ELMO1: variants seen among roughly 807,000 people sequenced by gnomAD.
The protein encoded by ELMO1 is engulfment and cell motility 1, also known as engulfment and cell motility protein 1.
ELMO1 carries 26 observed loss-of-function variants against 98.9 expected under a neutral mutation model. That is an observed-to-expected ratio of 0.26 (90% CI 0.19 to 0.36). The LOEUF is 0.36. ELMO1 is among the 10% of genes least tolerant of loss of function. The pLI, the probability that ELMO1 is intolerant of heterozygous loss-of-function variation, is 1.00. For missense variants in ELMO1, 627 were observed against 935.2 expected (o/e 0.67, Z 4.30); for synonymous variants, 346 against 346.0 (o/e 1.00, Z 0.00).
chr7:37,367,731 T>C (rs1440175999), intron 1 of ELMO1, among the ~76,000 whole-genome samples: 3 of 152,070 alleles, frequency 2.0e-5, no homozygotes, highest in Non-Finnish European at 4.4e-5. Context: ...TCTAAGTCCC[T>C]ACCAGAAACA....
intron 1 of ELMO1, among the ~76,000 whole-genome samples, chr7:37,381,064 G>C (rs149010926): frequency 2.6e-5 from 4 of 152,306 alleles, no homozygotes; most frequent in Admixed American, 2.0e-4. Context: ...AAACATGCCC[G>C]TCAGGCAACT....
At chr7:37,006,286 C>T (rs1793117879) in intron 16 of ELMO1, among the ~76,000 whole-genome samples, 1 of 152,246 alleles carries the variant, frequency 6.6e-6, no homozygotes, top group African/African-American at 2.4e-5. Flanking sequence ...ATTACTGACA[C>T]TTTAGGTTTT....
intron 15 of ELMO1, among the ~76,000 whole-genome samples, chr7:37,019,725 TAGTA>T (rs1584523884): frequency 6.6e-6 from 1 of 152,306 alleles, no homozygotes. Context: ...GGGACAAAAA[TAGTA>T]AGACGTTTAA....
At chr7:36,904,537 GT>G in intron 16 of ELMO1, among the ~76,000 whole-genome samples, 1 of 152,282 alleles carries the variant, frequency 6.6e-6, no homozygotes, top group African/African-American at 2.4e-5. Context: ...ACTGGGTGTT[GT>G]CCCACTCCTA....
intron 4 of ELMO1, among the ~76,000 whole-genome samples, chr7:37,288,312 C>A (rs1797502902): frequency 6.6e-6 from 1 of 152,024 alleles, no homozygotes; most frequent in South Asian, 2.1e-4. Context: ...GCAATCTCTG[C>A]CTCCTGGGTT....
At chr7:37,401,315 C>G (rs1043172159) in intron 1 of ELMO1, among the ~76,000 whole-genome samples, 49 of 152,172 alleles carry the variant, frequency 3.2e-4, no homozygotes, top group African/African-American at 1.2e-3. Flanking sequence ...CAAAACATGG[C>G]ACCTTGGCAT....
At position 37,375,746 on chromosome 7, in the gene ELMO1, G is replaced by T. The variant is rs185947166; in HGVS notation, c.-73-32983C>A. The T allele has an allele frequency of 6.0e-6, 7 of 1,172,222 alleles. No individual in the cohort carries two copies. The African/African-American group carries it at 9.1e-5, about 15-fold the overall frequency. 72.6% of individuals were successfully genotyped at this position (1,172,222 alleles called of 1,614,324 possible). The stretch of plus-strand genomic sequence containing the variant: ...TTCTACTGGTACCTTACCAATGAGG[G>T]TATCCAGTATCTCAGTGATTACCTT... On this transcript the variant is annotated intron_variant, in intron 1 of 21. Coordinates refer to ENST00000310758, the MANE Select transcript of ELMO1 (RefSeq NM_014800.11).
intron 16 of ELMO1, among the ~76,000 whole-genome samples, chr7:36,915,805 A>C (rs1328253065): frequency 2.0e-5 from 3 of 152,210 alleles, no homozygotes; most frequent in Non-Finnish European, 4.4e-5. Context: ...CTTGACCCCC[A>C]GGCAGGAGGT....
intron 7 of ELMO1, among the ~76,000 whole-genome samples, chr7:37,243,465 C>T (rs1370716636): frequency 6.6e-6 from 1 of 152,176 alleles, no homozygotes; most frequent in Non-Finnish European, 1.5e-5. Context: ...AGTGCTTCTA[C>T]TGTATTAAAT....
At chr7:37,343,837 T>C (rs1376031559) in intron 1 of ELMO1, among the ~76,000 whole-genome samples, 1 of 152,180 alleles carries the variant, frequency 6.6e-6, no homozygotes, top group African/African-American at 2.4e-5. Context: ...TGTGTGTATG[T>C]GTGTTTGTGT....
chr7:37,267,486 G>T (rs1000149454), intron 5 of ELMO1, among the ~76,000 whole-genome samples: 1 of 152,230 alleles, frequency 6.6e-6, no homozygotes, highest in African/African-American at 2.4e-5. Context: ...GTGCTTTTGT[G>T]AGTCTATTTA....
intron 6 of ELMO1, among the ~76,000 whole-genome samples, chr7:37,249,281 C>A (rs1795185830): frequency 6.6e-6 from 1 of 151,974 alleles, no homozygotes; most frequent in African/African-American, 2.4e-5. Context: ...AAAATGATGA[C>A]AATTTTTATA....
chr7:37,420,377 C>T (rs1804421678), intron 1 of ELMO1, among the ~76,000 whole-genome samples: 1 of 152,226 alleles, frequency 6.6e-6, no homozygotes, highest in Non-Finnish European at 1.5e-5. Flanking sequence ...GAGCCTTCCA[C>T]TTGACTAAGC....
chr7:37,017,550 G>T (rs991671932), intron 15 of ELMO1, among the ~76,000 whole-genome samples: 2 of 152,212 alleles, frequency 1.3e-5, no homozygotes, highest in African/African-American at 4.8e-5. Context: ...AAAGGGGAAA[G>T]ACTTGGTTGA....
chr7:37,384,498 A>T (rs2131396578), intron 1 of ELMO1, among the ~76,000 whole-genome samples: 1 of 152,256 alleles, frequency 6.6e-6, no homozygotes, highest in East Asian at 1.9e-4. Context: ...AGGTGGGCGG[A>T]TCACGAGGTC....
chr7:36,997,108 G>A (rs971882953), intron 16 of ELMO1, among the ~76,000 whole-genome samples: 14 of 151,340 alleles, frequency 9.3e-5, no homozygotes, highest in African/African-American at 1.9e-4. Context: ...CAAACACATC[G>A]TCTACACAAG....
intron 1 of ELMO1, among the ~76,000 whole-genome samples, chr7:37,415,073 TG>T (rs1456850271): frequency 6.6e-6 from 1 of 152,200 alleles, no homozygotes. Context: ...ATACATACTT[TG>T]GGGCCTTGGT....
chr7:36,994,818 A>C (rs1385173016), intron 16 of ELMO1, among the ~76,000 whole-genome samples: 4 of 152,260 alleles, frequency 2.6e-5, no homozygotes, highest in Non-Finnish European at 5.9e-5. Flanking sequence ...TCTTTCTTGA[A>C]TCAAGCCTGA....
At chr7:37,233,565 A>AT (rs1302470663) in intron 7 of ELMO1, among the ~76,000 whole-genome samples, 1 of 152,200 alleles carries the variant, frequency 6.6e-6, no homozygotes, top group Non-Finnish European at 1.5e-5. Context: ...CTTACTTAAT[A>AT]AAGTATGTAG....
Sources: gnomAD v4.1 joint callset for allele counts (sites outside exome capture counted in the v4.1 genomes callset) on GRCh38, gnomAD v4.1.1 for gene constraint, MANE v1.5 for transcripts, NCBI Gene and HGNC (gene_info 2026-07-23, HGNC 2026-07-21) for gene names.